The following CSMD1 variants were observed in gnomAD, a reference collection of about 807,000 sequenced individuals.
The protein encoded by CSMD1 is CUB and Sushi multiple domains 1, also known as CUB and sushi domain-containing protein 1.
Under a neutral mutation model 417.5 loss-of-function variants are expected in CSMD1, and 213 were observed. That is an observed-to-expected ratio of 0.51 (90% confidence interval 0.46 to 0.57). The LOEUF (loss-of-function observed/expected upper bound fraction) is 0.57. CSMD1 is among the 20% of genes least tolerant of loss of function. The pLI is 0.00. For synonymous variants in CSMD1, 2,862 were observed against 1,736.8 expected (o/e 1.65, Z -16.11); for missense variants, 6,923 against 4,529.7 (o/e 1.53, Z -15.17).
intron 12 of CSMD1, among the ~76,000 whole-genome samples, chr8:3,454,020 G>C (rs951599238): frequency 6.6e-6 from 1 of 152,078 alleles, no homozygotes; most frequent in Admixed American, 6.6e-5. Context: ...TATATATTTA[G>C]GATAGTTAGC....
At chr8:3,387,112 A>G (rs1447025080) in intron 18 of CSMD1, among the ~76,000 whole-genome samples, 2 of 152,172 alleles carry the variant, frequency 1.3e-5, no homozygotes, top group Non-Finnish European at 2.9e-5. Flanking sequence ...CACGGACTGT[A>G]GACTGAGAGG....
At chr8:4,918,578 G>A (rs987289862) in intron 1 of CSMD1, among the ~76,000 whole-genome samples, 13 of 152,140 alleles carry the variant, frequency 8.5e-5, no homozygotes, top group African/African-American at 2.2e-4. Flanking sequence ...ACTGCGAGTT[G>A]TGCTTTAAAA....
chr8:4,465,451 G>C (rs917144504), intron 2 of CSMD1, among the ~76,000 whole-genome samples: 1 of 152,246 alleles, frequency 6.6e-6, no homozygotes, highest in South Asian at 2.1e-4. Context: ...ATCCTGCCTT[G>C]CCATATTATT....
At chr8:4,920,819 G>C (rs981276431) in intron 1 of CSMD1, among the ~76,000 whole-genome samples, 1 of 145,718 alleles carries the variant, frequency 6.9e-6, no homozygotes, top group Non-Finnish European at 1.5e-5. Flanking sequence ...GCAAAACTCT[G>C]TCAAAGAAAA....
intron 23 of CSMD1, among the ~76,000 whole-genome samples, chr8:3,330,343 T>A (rs563268624): frequency 6.6e-6 from 1 of 152,220 alleles, no homozygotes; most frequent in African/African-American, 2.4e-5. Flanking sequence ...AAAGACTCAA[T>A]CTAAGTGCCC....
At chr8:3,760,288 C>T (rs972495567) in intron 5 of CSMD1, among the ~76,000 whole-genome samples, 4 of 152,122 alleles carry the variant, frequency 2.6e-5, no homozygotes, top group African/African-American at 7.2e-5. Context: ...CCTAAGAATA[C>T]CAAATTAAGC....
Position 4,127,597 on chromosome 8 carries a change from C to G in CSMD1, c.416-95498G>C, listed in dbSNP as rs147809393. Among the ~76,000 whole-genome samples the G allele has an allele frequency of 4.0e-3, 606 of 152,146 alleles. 3 individuals carry two copies. Among genetic ancestry groups the G allele is most frequent in the African/African-American group, 0.014 (580 of 41,506 alleles). ...GGATTTTCTAATTGTTTCTACTTTC[C>G]CACACCACATACAACACCCAAAGTA... On this transcript the variant is annotated intron_variant, in intron 3 of 69. Transcript: ENST00000635120.
intron 17 of CSMD1, among the ~76,000 whole-genome samples, chr8:3,395,188 T>C (rs750041376): frequency 6.6e-6 from 1 of 152,192 alleles, no homozygotes; most frequent in Non-Finnish European, 1.5e-5. Context: ...CGTGTGGGTA[T>C]ATGTAAATTT....
At chr8:3,117,527 T>A (rs566441932) in intron 42 of CSMD1, among the ~76,000 whole-genome samples, 1 of 152,330 alleles carries the variant, frequency 6.6e-6, no homozygotes, top group Non-Finnish European at 1.5e-5. Flanking sequence ...AATTTCATTA[T>A]TTTTTCATTC....
intron 3 of CSMD1, among the ~76,000 whole-genome samples, chr8:4,228,481 A>ACG: frequency 6.6e-6 from 1 of 151,584 alleles, no homozygotes; most frequent in Non-Finnish European, 1.5e-5. Flanking sequence ...CTTCCACTGT[A>ACG]TCCTCCCCCA....
chr8:3,333,904 T>A (rs1807069353), intron 23 of CSMD1, among the ~76,000 whole-genome samples: 2 of 152,216 alleles, frequency 1.3e-5, no homozygotes, highest in Admixed American at 1.3e-4. Flanking sequence ...AATCTGTGAG[T>A]GTCTTTATTA....
chr8:4,404,329 T>C (rs1313111577), intron 3 of CSMD1, among the ~76,000 whole-genome samples: 1 of 152,200 alleles, frequency 6.6e-6, no homozygotes, highest in Non-Finnish European at 1.5e-5. Context: ...TGTGGCTTTC[T>C]CCACTGGAAT....
chr8:3,715,146 T>C (rs1347034426), intron 6 of CSMD1, among the ~76,000 whole-genome samples: 1 of 152,178 alleles, frequency 6.6e-6, no homozygotes, highest in East Asian at 1.9e-4. Context: ...CACCTTATAT[T>C]TTAAACACAC....
At chr8:4,066,780 A>G (rs2552099) in intron 3 of CSMD1, among the ~76,000 whole-genome samples, 127,174 of 152,112 alleles carry the variant, frequency 0.84, 53,232 homozygotes, top group Admixed American at 0.89. Flanking sequence ...AGGGGCGAGA[A>G]ACGAATGCAA....
chr8:3,542,577 C>T (rs983998712), intron 10 of CSMD1, among the ~76,000 whole-genome samples: 26 of 152,140 alleles, frequency 1.7e-4, no homozygotes, highest in African/African-American at 6.0e-4. Context: ...CAGGAAAGAG[C>T]GTACGTGCTG....
chr8:4,641,880 T>C (rs757215346), intron 1 of CSMD1, among the ~76,000 whole-genome samples: 37 of 152,196 alleles, frequency 2.4e-4, no homozygotes, highest in Admixed American at 3.3e-4. Context: ...TAAGTAGCAA[T>C]TGGAAACATA....
intron 54 of CSMD1, among the ~76,000 whole-genome samples, chr8:2,984,052 A>G (rs1441979114): frequency 1.3e-5 from 2 of 152,202 alleles, no homozygotes; most frequent in African/African-American, 4.8e-5. Flanking sequence ...TACTAAGAAA[A>G]AAAATAAAAC....
chr8:4,543,714 G>A lies in CSMD1; in HGVS notation c.302+93628C>T, dbSNP rs140144943. On this transcript the variant is annotated intron_variant, in intron 2 of 69. Transcript: ENST00000635120. ...AAAAAAAAAAAACCCACACCAAAGT[G>A]TCTTCCAAACGGGCTGTACCATTTT... Among the ~76,000 whole-genome samples, 181 of 129,772 alleles carry A rather than the reference G, an allele frequency of 1.4e-3. 1 individual carries two copies. Among genetic ancestry groups the A allele is most frequent in the African/African-American group, 5.1e-3 (177 of 34,604 alleles). The allele number at this position is 129,772 out of a possible 152,430, so 85.1% of individuals were successfully genotyped here. A position where few individuals can be genotyped will look rare whatever the true frequency, so the allele number is the denominator to read the frequency against.
In CSMD1 at chr8:4,183,943, G is replaced by C. The variant is rs191690164; in HGVS notation, c.416-151844C>G. Reference sequence around the variant, plus strand: ...CCACATGATAGTCTGGGAAACCTATGAACTGCTCCTGAGAACACAGAAGGA... The same window carrying C: ...CCACATGATAGTCTGGGAAACCTATCAACTGCTCCTGAGAACACAGAAGGA... On this transcript the variant is annotated intron_variant, in intron 3 of 69. Coordinates refer to ENST00000635120, the MANE Select transcript of CSMD1 (RefSeq NM_033225.6). Among the ~76,000 whole-genome samples, 894 of 152,212 alleles carry C rather than the reference G, an allele frequency of 5.9e-3. 6 individuals are homozygous for C. The highest frequency in any genetic ancestry group is 8.5e-3 in the Non-Finnish European group (578 of 68,014).
Sources: allele counts gnomAD v4.1 joint callset (sites outside exome capture counted in the v4.1 genomes callset), GRCh38; gene constraint gnomAD v4.1.1; transcripts MANE v1.5; gene names NCBI Gene and HGNC (gene_info 2026-07-23, HGNC 2026-07-21).